The following TAS2R1 variants were observed in gnomAD, a reference collection of about 807,000 sequenced individuals.
TAS2R1 encodes the protein taste 2 receptor member 1.
For synonymous variants in TAS2R1, 141 were observed against 134.2 expected (o/e 1.05, Z -0.35); for missense variants, 370 against 353.4 (o/e 1.05, Z -0.38).
At chr5:9,839,072 G>A in the TAS2R1 span, among the ~76,000 whole-genome samples, 80 of 152,314 alleles carry the variant, frequency 5.3e-4, 1 homozygote, top group South Asian at 1.7e-3. Context: ...CATCGAGCAG[G>A]TCTCTGTTAT....
Position 9,629,744 on chromosome 5 carries a change from T to G in TAS2R1, c.289A>C (p.Thr97Pro). Reference sequence around the variant, plus strand: ...GCACAATAGAAAACGCCGAGCCATGTGGCAAGCCAAAGTTCCAATTCATTT... The same window carrying G: ...GCACAATAGAAAACGCCGAGCCATGGGGCAAGCCAAAGTTCCAATTCATTT... Reference protein sequence around the residue: ...FINELELWLATWLGVFYCAKV... With the variant: ...FINELELWLAPWLGVFYCAKV... The change falls in exon 1 of 1, where the codon ACA becomes CCA. Residue 97 changes from threonine to proline, a missense_variant. By Grantham distance (38) the Thr-to-Pro change is conservative (BLOSUM62 -1). Transcript: ENST00000382492. 6.2e-7 allele frequency: 1 copy of G among 1,614,010 alleles called. No homozygotes were observed.
chr5:9,865,143 G>A, the TAS2R1 span, among the ~76,000 whole-genome samples: 1 of 152,220 alleles, frequency 6.6e-6, no homozygotes, highest in Non-Finnish European at 1.5e-5. Flanking sequence ...ATGAGGTGTG[G>A]AGGGGGAGCA....
intron 1 of TAS2R1, among the ~76,000 whole-genome samples, chr5:9,666,135 A>G (rs1579774493): frequency 6.6e-6 from 1 of 152,290 alleles, no homozygotes; most frequent in East Asian, 1.9e-4. Context: ...AAAAATAATT[A>G]TAAGGAGAGA....
the TAS2R1 span, among the ~76,000 whole-genome samples, chr5:9,749,965 G>T: frequency 2.6e-5 from 4 of 152,156 alleles, no homozygotes; most frequent in Non-Finnish European, 5.9e-5. Flanking sequence ...ATACCCCTTT[G>T]CCTCTTGAGA....
At chr5:9,840,807 T>C in the TAS2R1 span, among the ~76,000 whole-genome samples, 1 of 151,098 alleles carries the variant, frequency 6.6e-6, no homozygotes, top group African/African-American at 2.4e-5. Context: ...TGTTATCTAT[T>C]CACATTCACT....
At chr5:9,804,321 C>A in the TAS2R1 span, among the ~76,000 whole-genome samples, 2 of 152,106 alleles carry the variant, frequency 1.3e-5, no homozygotes, top group African/African-American at 4.8e-5. Flanking sequence ...CCACTGACAG[C>A]ACCAGATGGG....
rs773843649 is a variant in TAS2R1 at position 9,629,384 on chromosome 5, C to A, written c.649G>T (p.Val217Phe). ...QMRNTVAGSR[V>F]PGRGAPISAL... is the part of the protein sequence containing the mutation. ...CTGATGGGTGCACCCCTGCCAGGAA[C>A]CCTGCTGCCGGCCACTGTGTTTCTC... is the stretch of plus-strand genomic sequence containing the variant. Residue 217 changes from valine (V) to phenylalanine (F), a missense_variant, in exon 1 of 1, where the codon GTT becomes TTT. Coordinates refer to ENST00000382492, the MANE Select transcript of TAS2R1 (RefSeq NM_019599.3). The A allele has an allele frequency of 1.9e-6, 3 of 1,614,112 alleles. No individual in the cohort carries two copies. The highest frequency in any genetic ancestry group is 2.2e-5 in the South Asian group (2 of 91,070).
the TAS2R1 span, among the ~76,000 whole-genome samples, chr5:9,752,794 C>T: frequency 4.0e-5 from 6 of 150,834 alleles, no homozygotes; most frequent in African/African-American, 4.9e-5. Flanking sequence ...TGAGAACATG[C>T]GGTGTTTAGT....
chr5:9,631,431 G>A (rs1739871582), upstream of TAS2R1, among the ~76,000 whole-genome samples: 1 of 152,056 alleles, frequency 6.6e-6, no homozygotes, highest in African/African-American at 2.4e-5. Flanking sequence ...TCATAGATAT[G>A]GAGTCTTGCT....
chr5:9,745,090 C>T, the TAS2R1 span, among the ~76,000 whole-genome samples: 8 of 152,098 alleles, frequency 5.3e-5, no homozygotes, highest in East Asian at 3.9e-4. Flanking sequence ...AAAAAGGCTG[C>T]GGGCAGACCA....
the TAS2R1 span, among the ~76,000 whole-genome samples, chr5:9,879,515 C>G: frequency 6.6e-6 from 1 of 152,192 alleles, no homozygotes; most frequent in Non-Finnish European, 1.5e-5. Context: ...CTGTCCTTTC[C>G]AACTATCATT....
chr5:9,668,058 C>A (rs998983221), intron 1 of TAS2R1, among the ~76,000 whole-genome samples: 1 of 152,060 alleles, frequency 6.6e-6, no homozygotes, highest in Non-Finnish European at 1.5e-5. Flanking sequence ...AACAAAATGG[C>A]CATATTAAGA....
At chr5:9,827,953 A>C in the TAS2R1 span, among the ~76,000 whole-genome samples, 1 of 152,144 alleles carries the variant, frequency 6.6e-6, no homozygotes, top group Non-Finnish European at 1.5e-5. Flanking sequence ...AATACCTTCT[A>C]CGATATTCCG....
intron 1 of TAS2R1, among the ~76,000 whole-genome samples, chr5:9,685,204 C>T (rs1741102458): frequency 6.6e-6 from 1 of 152,088 alleles, no homozygotes; most frequent in Admixed American, 6.6e-5. Context: ...TAGGATTCAT[C>T]CTTTATTGAT....
chr5:9,834,195 G>C, the TAS2R1 span, among the ~76,000 whole-genome samples: 1 of 152,232 alleles, frequency 6.6e-6, no homozygotes, highest in African/African-American at 2.4e-5. Context: ...GGAGCTGGGA[G>C]CTGGGCGCAC....
At chr5:9,631,733 T>A (rs970092377), upstream of TAS2R1, among the ~76,000 whole-genome samples, 4 of 152,244 alleles carry the variant, frequency 2.6e-5, no homozygotes, top group African/African-American at 9.6e-5. Context: ...TTAAGATTAA[T>A]CTTATTTTTA....
chr5:9,764,553 A>G, the TAS2R1 span, among the ~76,000 whole-genome samples: 2 of 152,224 alleles, frequency 1.3e-5, no homozygotes, highest in Non-Finnish European at 1.5e-5. Context: ...AATTTCTACC[A>G]GAAAATGACA....
At chr5:9,839,006 G>GA in the TAS2R1 span, among the ~76,000 whole-genome samples, 2 of 152,312 alleles carry the variant, frequency 1.3e-5, no homozygotes, top group East Asian at 1.9e-4. Flanking sequence ...GAAGCCGATG[G>GA]AAAAACATCA....
chr5:9,759,636 T>C, the TAS2R1 span, among the ~76,000 whole-genome samples: 2 of 152,222 alleles, frequency 1.3e-5, no homozygotes, highest in Non-Finnish European at 2.9e-5. Flanking sequence ...GTTTTTCTGG[T>C]AAGTGGTACA....
Sources: gnomAD v4.1 joint callset for allele counts (sites outside exome capture counted in the v4.1 genomes callset) on GRCh38, gnomAD v4.1.1 for gene constraint, MANE v1.5 for transcripts, NCBI Gene and HGNC (gene_info 2026-07-23, HGNC 2026-07-21) for gene names.